Variants in CMSS1 observed in about 807,000 individuals in gnomAD.
CMSS1 encodes cms1 ribosomal small subunit homolog.
Under a neutral mutation model 43.5 loss-of-function variants are expected in CMSS1, and 33 were observed. The observed-to-expected ratio is 0.76, with a 90% confidence interval of 0.57 to 1.01. The LOEUF (loss-of-function observed/expected upper bound fraction) is 1.01, where lower values mean the gene tolerates loss of function less well. CMSS1 is among the 50% of genes least tolerant of loss of function. CMSS1 has a pLI of 0.00. For synonymous variants in CMSS1, 115 were observed against 117.2 expected, an observed-to-expected ratio of 0.98 and a Z score of 0.12; for missense variants, 313 against 326.4, an observed-to-expected ratio of 0.96 and a Z score of 0.32.
At chr3:100,166,267 A>G in intron 4 of CMSS1, 68 bp from the exon 5 acceptor site, 1 of 1,042,596 alleles carries the variant, frequency 9.6e-7, no homozygotes, top group Non-Finnish European at 1.5e-6. Context: ...CATAACTCAC[A>G]TATAATCTGT....
chr3:99,866,756 T>G (rs1481179151), intron 1 of CMSS1, among the ~76,000 whole-genome samples: 1 of 152,204 alleles, frequency 6.6e-6, no homozygotes, highest in East Asian at 1.9e-4. Flanking sequence ...ATGATTGGTT[T>G]ATATCTTTTC....
intron 1 of CMSS1, among the ~76,000 whole-genome samples, chr3:99,828,514 T>C (rs1942580082): frequency 6.6e-6 from 1 of 151,002 alleles, no homozygotes; most frequent in Non-Finnish European, 1.5e-5. Flanking sequence ...TGCAGTGGTG[T>C]GATCATGCTC....
intron 1 of CMSS1, among the ~76,000 whole-genome samples, chr3:99,873,936 C>T (rs1001063034): frequency 8.5e-5 from 13 of 152,172 alleles, no homozygotes; most frequent in African/African-American, 3.1e-4. Context: ...TGTAGAAATT[C>T]ACATTCATTC....
intron 1 of CMSS1, among the ~76,000 whole-genome samples, chr3:100,059,133 G>A (rs1483437566): frequency 2.6e-5 from 4 of 152,210 alleles, no homozygotes; most frequent in Non-Finnish European, 5.9e-5. Flanking sequence ...AGAAAGAACA[G>A]ATTGACTAAC....
At chr3:100,037,183 G>C (rs565178532) in intron 1 of CMSS1, among the ~76,000 whole-genome samples, 61 of 151,132 alleles carry the variant, frequency 4.0e-4, no homozygotes, top group Non-Finnish European at 7.2e-4. Context: ...TCCTGATTTT[G>C]ATCATTGTGG....
chr3:99,981,121 C>T (rs571536876), intron 1 of CMSS1, among the ~76,000 whole-genome samples: 65 of 152,250 alleles, frequency 4.3e-4, no homozygotes, highest in South Asian at 3.1e-3. Flanking sequence ...ACACTCTGTC[C>T]GAGCATTGTG....
intron 1 of CMSS1, among the ~76,000 whole-genome samples, chr3:100,073,831 A>C (rs747976412): frequency 1.3e-5 from 2 of 151,776 alleles, no homozygotes; most frequent in South Asian, 4.2e-4. Context: ...CTTTCCACTC[A>C]CTCTTTTTAA....
intron 1 of CMSS1, among the ~76,000 whole-genome samples, chr3:99,824,609 A>G (rs957889482): frequency 1.3e-5 from 2 of 152,234 alleles, no homozygotes; most frequent in African/African-American, 4.8e-5. Context: ...ATCTTTATCA[A>G]AAGAACCTTG....
intron 1 of CMSS1, chr3:100,025,531 G>T (rs1043980083): frequency 6.6e-6 from 1 of 152,082 alleles, no homozygotes; most frequent in Non-Finnish European, 1.5e-5. Context: ...GAAGGAACGG[G>T]GAAAGATGTT....
chr3:100,114,901 G>T, intron 1 of CMSS1: 3 of 1,453,054 alleles, frequency 2.1e-6, no homozygotes, highest in South Asian at 2.5e-5. Flanking sequence ...CGCTGTGTTG[G>T]ACTCAAACTT....
In CMSS1 at chr3:99,849,558, T is replaced by C. The variant is rs775389901; in HGVS notation, c.64+31515T>C. The stretch of plus-strand genomic sequence containing the variant: ...GGTGCCCTGACTTAGCTTCTTCTTC[T>C]TGAAGCCTTTTGAAAAGCCATTGTT... On this transcript the variant is annotated intron_variant, in intron 1 of 9. Coordinates refer to ENST00000421999, the MANE Select transcript of CMSS1 (RefSeq NM_032359.4). 5 of 1,613,360 alleles carry C rather than the reference T, an allele frequency of 3.1e-6. No individual in the cohort carries two copies. In the African/African-American group the frequency reaches 4.0e-5, roughly 13 times the overall value.
intron 1 of CMSS1, among the ~76,000 whole-genome samples, chr3:100,092,433 T>TA (rs955377741): frequency 2.0e-5 from 3 of 151,994 alleles, no homozygotes; most frequent in African/African-American, 7.3e-5. Context: ...GGCTTTTTTT[T>TA]AACATGGAAA....
chr3:99,969,560 C>G (rs991979923), intron 1 of CMSS1, among the ~76,000 whole-genome samples: 1 of 152,162 alleles, frequency 6.6e-6, no homozygotes, highest in Non-Finnish European at 1.5e-5. Context: ...ATGAGCCGTG[C>G]TATCCCAACT....
intron 1 of CMSS1, among the ~76,000 whole-genome samples, chr3:99,940,860 A>G (rs371348062): frequency 6.6e-6 from 1 of 152,208 alleles, no homozygotes; most frequent in Non-Finnish European, 1.5e-5. Context: ...CCATCTTTAC[A>G]TTCCAACGTG....
rs746263527 is a variant in CMSS1 at position 100,176,313 on chromosome 3, C to T, written c.668-14C>T. The stretch of plus-strand genomic sequence containing the variant: ...AGGTCTTTACTACAGCAACTCTCTT[C>T]CTGTCTCTTTCAGGTGGCCTTAATT... On this transcript the variant is annotated splice_polypyrimidine_tract_variant and intron_variant, in intron 8 of 9. Transcript: ENST00000421999. The T allele has an allele frequency of 6.4e-7, 1 of 1,565,384 alleles. No individual in the cohort carries two copies. The highest frequency in any genetic ancestry group is 1.1e-5 in the South Asian group (1 of 89,850).
chr3:99,997,542 A>T (rs1351341065), intron 1 of CMSS1, among the ~76,000 whole-genome samples: 1 of 152,148 alleles, frequency 6.6e-6, no homozygotes, highest in Non-Finnish European at 1.5e-5. Flanking sequence ...AAGCTTTTTC[A>T]ATTTTGCCAG....
At chr3:100,176,297 C>G in intron 8 of CMSS1, 30 bp from the exon 9 acceptor site, 1 of 1,453,472 alleles carries the variant, frequency 6.9e-7, no homozygotes, top group South Asian at 1.2e-5. Context: ...GAGGTCTTTA[C>G]TACAGCAACT....
chr3:100,064,354 C>T lies in CMSS1; in HGVS notation c.65-82619C>T, dbSNP rs9871820. On this transcript the variant is annotated intron_variant, in intron 1 of 9. Transcript: ENST00000421999. ...CCAATTTGCCACCAGCTCCCCAGTC[C>T]CACGGCCTCTCTTTTTCCAGCTAAT... Among the ~76,000 whole-genome samples the T allele has an allele frequency of 4.9e-3, 748 of 152,184 alleles. 5 individuals carry two copies. Among genetic ancestry groups the T allele is most frequent in the African/African-American group, 0.017 (703 of 41,510 alleles).
intron 1 of CMSS1, among the ~76,000 whole-genome samples, chr3:99,946,232 A>G (rs893425323): frequency 6.6e-6 from 1 of 152,198 alleles, no homozygotes; most frequent in Non-Finnish European, 1.5e-5. Context: ...CCTGGATACT[A>G]TTGTGATTGA....
Sources: gnomAD v4.1 joint callset for allele counts (sites outside exome capture counted in the v4.1 genomes callset) on GRCh38, gnomAD v4.1.1 for gene constraint, MANE v1.5 for transcripts, NCBI Gene and HGNC (gene_info 2026-07-23, HGNC 2026-07-21) for gene names.